The following STXBP5 variants were observed in gnomAD, a reference collection of about 807,000 sequenced individuals.
STXBP5 encodes syntaxin-binding protein 5.
In STXBP5, 50 loss-of-function variants were observed where a neutral mutation model predicts 152.4. That is an observed-to-expected ratio of 0.33 (90% CI 0.26 to 0.42). STXBP5 has a LOEUF of 0.42. Ranked by LOEUF, STXBP5 falls within the 10% of genes least tolerant of loss-of-function variation. The pLI is 1.00. For synonymous variants in STXBP5, 492 were observed against 494.7 expected, an observed-to-expected ratio of 0.99 and a Z score of 0.07; for missense variants, 1,167 against 1,388.6, an observed-to-expected ratio of 0.84 and a Z score of 2.54.
intron 3 of STXBP5, among the ~76,000 whole-genome samples, chr6:147,236,939 G>A (rs1055729854): frequency 6.6e-6 from 1 of 151,734 alleles, no homozygotes; most frequent in Non-Finnish European, 1.5e-5. Flanking sequence ...CCACCACACC[G>A]GCCAGTTTTT....
At chr6:147,319,492 C>G (rs1175808843) in intron 16 of STXBP5, among the ~76,000 whole-genome samples, 3 of 152,152 alleles carry the variant, frequency 2.0e-5, no homozygotes, top group Non-Finnish European at 4.4e-5. Context: ...TTTTGAGTTA[C>G]TTTAATAATT....
intron 3 of STXBP5, among the ~76,000 whole-genome samples, chr6:147,238,484 C>T (rs1778385027): frequency 1.3e-5 from 2 of 152,128 alleles, no homozygotes; most frequent in South Asian, 2.1e-4. Flanking sequence ...CAACATGATG[C>T]GTTTTGGCAT....
chr6:147,253,159 C>T (rs571244686), intron 4 of STXBP5, among the ~76,000 whole-genome samples: 15 of 152,194 alleles, frequency 9.9e-5, no homozygotes, highest in Admixed American at 3.3e-4. Flanking sequence ...ATTCAACATA[C>T]GCAAATCAAT....
intron 16 of STXBP5, among the ~76,000 whole-genome samples, chr6:147,319,089 A>G (rs569721095): frequency 1.8e-3 from 271 of 152,254 alleles, no homozygotes; most frequent in African/African-American, 5.9e-3. Context: ...ACAGACCAAA[A>G]TATGATCTTT....
At chr6:147,315,965 T>C (rs1782622308) in intron 15 of STXBP5, among the ~76,000 whole-genome samples, 1 of 152,228 alleles carries the variant, frequency 6.6e-6, no homozygotes, top group Non-Finnish European at 1.5e-5. Flanking sequence ...AAAGCTAATA[T>C]GAATATGAGT....
At chr6:147,227,386 A>C (rs1777773373) in intron 2 of STXBP5, among the ~76,000 whole-genome samples, 1 of 152,154 alleles carries the variant, frequency 6.6e-6, no homozygotes, top group Non-Finnish European at 1.5e-5. Flanking sequence ...CCTGCTCCCC[A>C]GAAGGATCCA....
Position 147,204,813 on chromosome 6 carries a change from G to A in STXBP5, c.150+131G>A. ...AATAATAATAATAACTCTAATAAAA[G>A]GCTCGCTCCTCCCTTGGCAAACGTT... On this transcript the variant is annotated intron_variant, in intron 1 of 27. Transcript: ENST00000321680. The surrounding 1 kb of genome is among the most constrained non-coding windows in gnomAD (Gnocchi z 4.3). 1 of 1,052,168 alleles carries A rather than the reference G, an allele frequency of 9.5e-7. No individual in the cohort carries two copies. Among genetic ancestry groups the A allele is most frequent in the South Asian group, 2.0e-5 (1 of 50,864 alleles). 65.2% of individuals were successfully genotyped at this position (1,052,168 alleles called of 1,614,324 possible).
Position 147,296,911 on chromosome 6 carries a change from C to T in STXBP5, c.917+5739C>T, listed in dbSNP as rs1781554197. 2.0e-5 allele frequency among the ~76,000 whole-genome samples: 3 copies of T among 151,836 alleles called. 1 individual carries two copies. The highest frequency in any genetic ancestry group is 2.0e-4 in the Admixed American group (3 of 15,248). On this transcript the variant is annotated intron_variant, in intron 9 of 27. Transcript: ENST00000321680. The stretch of plus-strand genomic sequence containing the variant: ...GGCAGGTCTTTTGAAATAATCCAGC[C>T]AGAGGGTGGAAAAAAAATAAGAATA...
chr6:147,239,427 T>C (rs940838356), intron 4 of STXBP5, among the ~76,000 whole-genome samples, 157 bp downstream of exon 4: 1 of 152,200 alleles, frequency 6.6e-6, no homozygotes, highest in South Asian at 2.1e-4. Flanking sequence ...GATTCCTTCT[T>C]TTTTAGATCC....
intron 9 of STXBP5, among the ~76,000 whole-genome samples, chr6:147,298,803 TG>T (rs1490068185): frequency 6.6e-6 from 1 of 151,966 alleles, no homozygotes; most frequent in African/African-American, 2.4e-5. Context: ...CACAATATAC[TG>T]AGGCCTATGG....
At chr6:147,227,442 G>A (rs1197970699) in intron 2 of STXBP5, among the ~76,000 whole-genome samples, 1 of 151,988 alleles carries the variant, frequency 6.6e-6, no homozygotes, top group African/African-American at 2.4e-5. Flanking sequence ...AAAATCTCTT[G>A]CCAATGTTTT....
rs1337556994 is a variant in STXBP5 at position 147,359,070 on chromosome 6, T to G, written c.2306-14T>G. ...ATAACTTGAGCAATCTCACAACATT[T>G]TTAACCATTTCAGATGTAAAGGATA... On this transcript the variant is annotated splice_polypyrimidine_tract_variant and intron_variant, in intron 22 of 27. Transcript: ENST00000321680. The G allele has an allele frequency of 1.9e-6, 3 of 1,609,536 alleles. No individual in the cohort carries two copies. The highest frequency in any genetic ancestry group is 2.2e-5 in the South Asian group (2 of 90,652).
intron 8 of STXBP5, 144 bp downstream of exon 8, chr6:147,278,348 C>T (rs772968098): frequency 4.6e-5 from 38 of 820,334 alleles, no homozygotes; most frequent in Non-Finnish European, 5.9e-5. Context: ...AATATTTACA[C>T]TTATAGAAAT....
Position 147,278,104 on chromosome 6 carries a change from T to A in STXBP5, c.738T>A (p.His246Gln). 1 of 1,612,920 alleles carries A rather than the reference T, an allele frequency of 6.2e-7. No homozygotes were observed. The highest frequency in any genetic ancestry group is 8.5e-7 in the Non-Finnish European group (1 of 1,179,212). Residue 246 changes from histidine (H) to glutamine (Q), a missense_variant, in exon 8 of 28, where the codon CAT becomes CAA. Transcript: ENST00000321680. Reference sequence around the variant, plus strand: ...AGGCTATCCACTCTGTTGCTTGGCATCATGAAGGAAAACAATTTATTTGCA... The same window carrying A: ...AGGCTATCCACTCTGTTGCTTGGCAACATGAAGGAAAACAATTTATTTGCA... The part of the protein sequence containing the change: ...YDEAIHSVAW[H>Q]HEGKQFICSH...
At chr6:147,205,142 C>T (rs780506055) in intron 1 of STXBP5, among the ~76,000 whole-genome samples, 15 of 151,816 alleles carry the variant, frequency 9.9e-5, no homozygotes, top group Non-Finnish European at 1.9e-4. Context: ...AAGTGGCTTA[C>T]GATATGAAAT....
At chr6:147,357,635 C>T (rs1784872510) in intron 22 of STXBP5, among the ~76,000 whole-genome samples, 1 of 151,836 alleles carries the variant, frequency 6.6e-6, no homozygotes, top group Non-Finnish European at 1.5e-5. Flanking sequence ...GTGAGGAGAA[C>T]CCGAACTTAG....
At chr6:147,328,724 G>A (rs1399737102) in intron 18 of STXBP5, 3 of 470,882 alleles carry the variant, frequency 6.4e-6, no homozygotes, top group Admixed American at 4.7e-5. Flanking sequence ...CTTCTTGCAT[G>A]TGCGGCCTTT....
intron 4 of STXBP5, among the ~76,000 whole-genome samples, chr6:147,254,930 C>A (rs1222766045): frequency 1.3e-5 from 2 of 152,278 alleles, no homozygotes; most frequent in African/African-American, 2.4e-5. Context: ...GGATCTACAA[C>A]CAGAAATACC....
intron 2 of STXBP5, among the ~76,000 whole-genome samples, chr6:147,217,609 C>T (rs760523182): frequency 2.0e-4 from 31 of 152,304 alleles, no homozygotes; most frequent in Non-Finnish European, 3.8e-4. Flanking sequence ...TTTTCAACCA[C>T]TCTAATTTGT....
Sources: allele counts gnomAD v4.1 joint callset (sites outside exome capture counted in the v4.1 genomes callset), GRCh38; gene constraint gnomAD v4.1.1; non-coding constraint Gnocchi (gnomAD v3.1); transcripts MANE v1.5; gene names NCBI Gene and HGNC (gene_info 2026-07-23, HGNC 2026-07-21).